Variants in LAMA2 observed in about 807,000 individuals in gnomAD.
LAMA2 encodes the protein laminin subunit alpha-2.
A neutral mutation model predicts 364.8 loss-of-function variants in LAMA2; 269 were observed. The observed-to-expected ratio is 0.74, with a 90% CI of 0.67 to 0.82. The LOEUF is 0.82. Among genes scored for constraint, LAMA2 ranks in the 40% least tolerant of loss-of-function variants. LAMA2 has a pLI of 0.00. For synonymous variants in LAMA2, 1,379 were observed against 1,370.6 expected (o/e 1.01, Z -0.14); for missense variants, 3,807 against 3,873.2 (o/e 0.98, Z 0.45).
intron 18 of LAMA2, among the ~76,000 whole-genome samples, chr6:129,284,977 A>T (rs1788999432): frequency 6.6e-6 from 1 of 152,134 alleles, no homozygotes; most frequent in Non-Finnish European, 1.5e-5. Flanking sequence ...CATTCGATAA[A>T]CTATTTTTAA....
At chr6:129,248,236 G>A (rs1785911001) in intron 12 of LAMA2, among the ~76,000 whole-genome samples, 2 of 152,174 alleles carry the variant, frequency 1.3e-5, no homozygotes, top group African/African-American at 2.4e-5. Flanking sequence ...CCCCTCCTCT[G>A]TGTCCATGGA....
intron 7 of LAMA2, among the ~76,000 whole-genome samples, chr6:129,152,598 G>A (rs912072019): frequency 5.9e-5 from 9 of 152,124 alleles, no homozygotes; most frequent in African/African-American, 2.2e-4. Context: ...ATTCTGCTAA[G>A]CATTCTCAAA....
At chr6:128,992,569 T>C (rs532001943) in intron 1 of LAMA2, among the ~76,000 whole-genome samples, 1 of 152,278 alleles carries the variant, frequency 6.6e-6, no homozygotes, top group South Asian at 2.1e-4. Flanking sequence ...AAAATCTCTT[T>C]TGGGTTTCAG....
At chr6:129,323,955 T>C (rs1413106092) in intron 28 of LAMA2, among the ~76,000 whole-genome samples, 1 of 152,204 alleles carries the variant, frequency 6.6e-6, no homozygotes, top group Non-Finnish European at 1.5e-5. Flanking sequence ...ACTGATTTTT[T>C]TAAATCTCCA....
intron 58 of LAMA2, among the ~76,000 whole-genome samples, chr6:129,495,188 T>A (rs1562618526): frequency 6.6e-6 from 1 of 152,068 alleles, no homozygotes. Flanking sequence ...TAAAACTGAG[T>A]CCCTAAAACT....
In LAMA2 at chr6:129,140,760, C is replaced by T. The variant is rs377436182; in HGVS notation, c.640-3141C>T. On this transcript the variant is annotated intron_variant, in intron 4 of 64. Transcript: ENST00000421865. Reference sequence around the variant, plus strand: ...AAAGGAAAAAAAAATACACACAAAACGGTGGAAGGAAGCTGCACACAACAT... The same window carrying T: ...AAAGGAAAAAAAAATACACACAAAATGGTGGAAGGAAGCTGCACACAACAT... 1.2e-4 allele frequency among the ~76,000 whole-genome samples: 18 copies of T among 152,078 alleles called. 1 individual carries two copies. The highest frequency in any genetic ancestry group is 2.2e-4 in the African/African-American group (9 of 41,524).
intron 1 of LAMA2, among the ~76,000 whole-genome samples, chr6:129,011,342 A>T (rs978529255): frequency 6.6e-6 from 1 of 152,194 alleles, no homozygotes; most frequent in African/African-American, 2.4e-5. Context: ...CCAGTCATTT[A>T]TAGTACCAAG....
chr6:129,338,492 G>A (rs1383973337), intron 29 of LAMA2, among the ~76,000 whole-genome samples: 5 of 152,060 alleles, frequency 3.3e-5, no homozygotes, highest in Non-Finnish European at 4.4e-5. Flanking sequence ...TGGTTCCTTT[G>A]GATGGTTGAA....
At chr6:129,340,551 G>A (rs1054626049) in intron 29 of LAMA2, among the ~76,000 whole-genome samples, 3 of 152,084 alleles carry the variant, frequency 2.0e-5, no homozygotes, top group Admixed American at 2.0e-4. Flanking sequence ...TTAAAGTAGG[G>A]TAAGGTGTAG....
rs117512871 is a variant in LAMA2 at position 129,325,787 on chromosome 6, G to A, written c.4177-2491G>A. Among the ~76,000 whole-genome samples the A allele has an allele frequency of 2.2e-4, 33 of 152,094 alleles. No individual in the cohort carries two copies. The East Asian group carries it at 6.0e-3, about 28-fold the overall frequency. ...TCAGACAAAACTAACATAAAATCAA[G>A]GCTTCCCTATTCATTCCTTTTATAG... On this transcript the variant is annotated intron_variant, in intron 28 of 64. Transcript: ENST00000421865.
chr6:129,043,782 T>C (rs9492208), intron 1 of LAMA2, among the ~76,000 whole-genome samples: 2,069 of 152,292 alleles, frequency 0.014, 58 homozygotes, highest in African/African-American at 0.048. Flanking sequence ...CCATTCTTTT[T>C]TGTTGTCGCA....
At chr6:128,987,352 A>C (rs555473057) in intron 1 of LAMA2, among the ~76,000 whole-genome samples, 26 of 151,874 alleles carry the variant, frequency 1.7e-4, no homozygotes, top group Non-Finnish European at 3.5e-4. Flanking sequence ...CATTTTGGCG[A>C]GGCTGGTCTC....
At chr6:129,185,815 A>T (rs1781197126) in intron 10 of LAMA2, among the ~76,000 whole-genome samples, 2 of 151,896 alleles carry the variant, frequency 1.3e-5, no homozygotes, top group Non-Finnish European at 2.9e-5. Context: ...AAAAATGACT[A>T]TTATAGTTCA....
At chr6:129,176,969 CTCCTT>C (rs1425241577) in intron 9 of LAMA2, among the ~76,000 whole-genome samples, 3 of 151,672 alleles carry the variant, frequency 2.0e-5, no homozygotes, top group Non-Finnish European at 2.9e-5. Flanking sequence ...TTTTTCCCTC[CTCCTT>C]TCTTCTTTCT....
chr6:128,988,270 T>C (rs979314048), intron 1 of LAMA2, among the ~76,000 whole-genome samples: 15 of 152,184 alleles, frequency 9.9e-5, no homozygotes, highest in African/African-American at 3.1e-4. Flanking sequence ...TCTTATGGAC[T>C]GGTAATTTTA....
intron 29 of LAMA2, among the ~76,000 whole-genome samples, chr6:129,330,044 G>A (rs1182232807): frequency 6.6e-6 from 1 of 151,546 alleles, no homozygotes; most frequent in Non-Finnish European, 1.5e-5. Context: ...AATGCCTGAT[G>A]ATCAATGATC....
chr6:129,331,362 C>T (rs1449291180), intron 29 of LAMA2, among the ~76,000 whole-genome samples: 1 of 152,090 alleles, frequency 6.6e-6, no homozygotes, highest in Non-Finnish European at 1.5e-5. Context: ...CCTCCATCCT[C>T]AAGCCTAAAC....
intron 22 of LAMA2, among the ~76,000 whole-genome samples, chr6:129,302,092 A>G (rs1281776321): frequency 6.6e-6 from 1 of 152,152 alleles, no homozygotes; most frequent in Non-Finnish European, 1.5e-5. Flanking sequence ...TTGGGGTTAC[A>G]ATTTTGCTGT....
intron 52 of LAMA2, among the ~76,000 whole-genome samples, chr6:129,474,791 A>G (rs1014500552): frequency 2.6e-5 from 4 of 152,158 alleles, no homozygotes; most frequent in African/African-American, 9.7e-5. Context: ...AATCTGTTAA[A>G]TGAATCTTTA....
Sources: allele counts gnomAD v4.1 joint callset (sites outside exome capture counted in the v4.1 genomes callset), GRCh38; gene constraint gnomAD v4.1.1; transcripts MANE v1.5; gene names NCBI Gene and HGNC (gene_info 2026-07-23, HGNC 2026-07-21).